CBR4: variants seen among roughly 807,000 people sequenced by gnomAD.
CBR4 encodes the protein 3-oxoacyl-[acyl-carrier-protein] reductase.
Under a neutral mutation model 21.0 loss-of-function variants are expected in CBR4, and 22 were observed. That is an observed-to-expected ratio of 1.05 (90% CI 0.75 to 1.50). The LOEUF is 1.50. Ranked by LOEUF, CBR4 falls within the 40% of genes most tolerant of loss-of-function variation. CBR4 has a pLI of 0.00. For missense variants in CBR4, 302 were observed against 286.3 expected (o/e 1.05, Z -0.40); for synonymous variants, 100 against 104.4 (o/e 0.96, Z 0.26).
At chr4:168,940,662 A>C (rs1231883968) in intron 2 of CBR4, among the ~76,000 whole-genome samples, 5 of 152,210 alleles carry the variant, frequency 3.3e-5, no homozygotes, top group Admixed American at 2.6e-4. Flanking sequence ...ACATTTATGC[A>C]GCCAACAAAC....
At chr4:168,946,674 T>C (rs931810374) in intron 2 of CBR4, among the ~76,000 whole-genome samples, 2 of 152,238 alleles carry the variant, frequency 1.3e-5, no homozygotes, top group East Asian at 3.8e-4. Flanking sequence ...ACTCTTGTTA[T>C]TTTTGATGAA....
Position 169,006,751 on chromosome 4 carries a change from T to C in CBR4, c.400+4A>G. 6.2e-7 allele frequency: 1 copy of C among 1,612,558 alleles called. No homozygotes were observed. The highest frequency in any genetic ancestry group is 8.5e-7 in the Non-Finnish European group (1 of 1,178,848). ...ATCATAAATTCACAAAGGTGAAGAC[T>C]CACCTACATTAACAATAGACCCTCC... is the stretch of plus-strand genomic sequence containing the variant. On this transcript the variant is annotated splice_donor_region_variant and intron_variant, in intron 3 of 4. Transcript: ENST00000306193.
intron 2 of CBR4, among the ~76,000 whole-genome samples, chr4:168,912,130 C>T (rs1259490194): frequency 1.3e-5 from 2 of 152,152 alleles, no homozygotes; most frequent in East Asian, 3.9e-4. Flanking sequence ...CTCACCCTGA[C>T]CCCCACTCCA....
intron 2 of CBR4, among the ~76,000 whole-genome samples, chr4:168,897,624 A>C (rs984952320): frequency 4.0e-5 from 6 of 151,894 alleles, no homozygotes; most frequent in Non-Finnish European, 5.9e-5. Flanking sequence ...TGTTCTTTTT[A>C]AATTTTTTGT....
intron 2 of CBR4, among the ~76,000 whole-genome samples, chr4:168,947,687 G>A (rs1016126900): frequency 6.6e-6 from 1 of 152,090 alleles, no homozygotes; most frequent in African/African-American, 2.4e-5. Context: ...GTCTCATCCA[G>A]GTTGCTGTGA....
At chr4:168,960,856 G>A (rs889071232) in intron 2 of CBR4, among the ~76,000 whole-genome samples, 1 of 152,208 alleles carries the variant, frequency 6.6e-6, no homozygotes, top group Non-Finnish European at 1.5e-5. Flanking sequence ...TATGCTGGTA[G>A]GTATGCGGTG....
intron 2 of CBR4, among the ~76,000 whole-genome samples, chr4:168,932,141 A>T (rs1052519974): frequency 6.6e-6 from 1 of 152,168 alleles, no homozygotes; most frequent in Non-Finnish European, 1.5e-5. Flanking sequence ...TGAAAATAAT[A>T]ATCTTAAGGA....
At chr4:168,964,688 A>G (rs1471158075) in intron 2 of CBR4, among the ~76,000 whole-genome samples, 2 of 152,230 alleles carry the variant, frequency 1.3e-5, no homozygotes, top group Non-Finnish European at 2.9e-5. Context: ...CTTGGATGAT[A>G]TGGTATTTGA....
At chr4:168,967,550 T>C (rs1225579193) in intron 2 of CBR4, among the ~76,000 whole-genome samples, 1 of 152,188 alleles carries the variant, frequency 6.6e-6, no homozygotes, top group Non-Finnish European at 1.5e-5. Context: ...AAAGGAATAA[T>C]GGACCTTGGA....
intron 2 of CBR4, among the ~76,000 whole-genome samples, chr4:168,959,003 T>C (rs1560963775): frequency 6.6e-6 from 1 of 152,158 alleles, no homozygotes. Flanking sequence ...TCATTTCCTT[T>C]TCTTAATGAT....
chr4:169,007,060 T>C (rs957309015), intron 2 of CBR4, among the ~76,000 whole-genome samples, 169 bp from the exon 3 acceptor site: 32 of 152,140 alleles, frequency 2.1e-4, no homozygotes, highest in Admixed American at 1.1e-3. Context: ...AACATTAAAA[T>C]AACAATTGAT....
chr4:168,985,711 T>A (rs1056121050), downstream of CBR4, among the ~76,000 whole-genome samples: 2 of 151,976 alleles, frequency 1.3e-5, no homozygotes, highest in Non-Finnish European at 2.9e-5. Context: ...CAAAAAAAAA[T>A]TAGATTATGA....
At chr4:168,957,618 C>T (rs551516033) in intron 2 of CBR4, among the ~76,000 whole-genome samples, 2 of 152,282 alleles carry the variant, frequency 1.3e-5, no homozygotes, top group African/African-American at 4.8e-5. Flanking sequence ...CCTTGTAGTC[C>T]ACCCCTGCCT....
intron 2 of CBR4, chr4:168,924,211 C>T (rs1296459108): frequency 1.3e-6 from 2 of 1,560,862 alleles, no homozygotes; most frequent in East Asian, 4.5e-5. Flanking sequence ...TCTAGTGCTC[C>T]TTTTGTATAT....
At chr4:168,923,586 C>CTT (rs11403394) in intron 2 of CBR4, among the ~76,000 whole-genome samples, 198 of 148,936 alleles carry the variant, frequency 1.3e-3, no homozygotes, top group Middle Eastern at 3.5e-3. Flanking sequence ...CTAAAGTTGT[C>CTT]TTTTTTTTTT....
At chr4:168,918,166 G>A (rs1582174703) in intron 2 of CBR4, among the ~76,000 whole-genome samples, 2 of 145,350 alleles carry the variant, frequency 1.4e-5, no homozygotes, top group African/African-American at 5.1e-5. Flanking sequence ...CTGGGCAACA[G>A]AACAAGACTC....
downstream of CBR4, among the ~76,000 whole-genome samples, chr4:168,986,195 A>C (rs560547742): frequency 1.3e-5 from 2 of 152,344 alleles, no homozygotes; most frequent in South Asian, 4.1e-4. Flanking sequence ...TCTAGAGATG[A>C]TGTAAAGTAT....
chr4:169,002,801 A>G (rs180918281), intron 3 of CBR4, among the ~76,000 whole-genome samples: 1 of 148,764 alleles, frequency 6.7e-6, no homozygotes, highest in East Asian at 2.0e-4. Flanking sequence ...AAGCAATTCT[A>G]TTAGCACTTT....
At chr4:168,911,390 A>C (rs1451730882) in intron 2 of CBR4, among the ~76,000 whole-genome samples, 1 of 152,208 alleles carries the variant, frequency 6.6e-6, no homozygotes, top group Non-Finnish European at 1.5e-5. Context: ...TATCACAAGG[A>C]AGGATATATC....
Sources: allele counts gnomAD v4.1 joint callset (sites outside exome capture counted in the v4.1 genomes callset), GRCh38; gene constraint gnomAD v4.1.1; transcripts MANE v1.5; gene names NCBI Gene and HGNC (gene_info 2026-07-23, HGNC 2026-07-21).